MFN2: variants seen among roughly 807,000 people sequenced by gnomAD.
The protein encoded by MFN2 is mitofusin 2, also known as mitofusin-2.
MFN2 carries 43 observed loss-of-function variants against 87.5 expected under a neutral mutation model. The ratio of observed to expected loss-of-function variants is 0.49; its 90% CI spans 0.38 to 0.63. MFN2 has a LOEUF of 0.63. Ranked by LOEUF, MFN2 falls within the 30% of genes least tolerant of loss-of-function variation. MFN2 has a pLI of 0.00. For missense variants in MFN2, 743 were observed against 972.8 expected, an observed-to-expected ratio of 0.76 and a Z score of 3.14; for synonymous variants, 337 against 359.9, an observed-to-expected ratio of 0.94 and a Z score of 0.72.
At chr1:11,982,976 G>A (rs559994450) in intron 2 of MFN2, among the ~76,000 whole-genome samples, 2 of 152,292 alleles carry the variant, frequency 1.3e-5, no homozygotes, top group African/African-American at 4.8e-5. Context: ...TTACAACAAG[G>A]CTTCCTTCCC....
chr1:11,998,082 C>A (rs552260652), intron 6 of MFN2, among the ~76,000 whole-genome samples: 1 of 150,234 alleles, frequency 6.7e-6, no homozygotes, highest in South Asian at 2.2e-4. Context: ...CGGGGTTTCA[C>A]CATGTTGGCC....
chr1:11,993,179 C>A (rs1009078468), intron 4 of MFN2, among the ~76,000 whole-genome samples: 1 of 152,012 alleles, frequency 6.6e-6, no homozygotes, highest in African/African-American at 2.4e-5. Context: ...ATTCTACTTT[C>A]TGTCCCTATG....
In MFN2 at chr1:11,998,979, T is replaced by C. The variant is rs776259256; in HGVS notation, c.709-9T>C. 2.0e-5 allele frequency: 33 copies of C among 1,613,974 alleles called. No individual in the cohort carries two copies. In the East Asian group the frequency reaches 7.1e-4, roughly 35 times the overall value. On this transcript the variant is annotated splice_polypyrimidine_tract_variant and intron_variant, in intron 7 of 18. Coordinates refer to ENST00000235329, the MANE Select transcript of MFN2 (RefSeq NM_014874.4). The stretch of plus-strand genomic sequence containing the variant: ...CTCCTGCTCCACCGAGGTCTTACCC[T>C]TTATCTAGGAAAAGCACTTCTTCCA...
At chr1:11,981,116 G>C (rs1645976486) in intron 1 of MFN2, among the ~76,000 whole-genome samples, 2 of 152,234 alleles carry the variant, frequency 1.3e-5, no homozygotes, top group South Asian at 2.1e-4. Context: ...AAGGGCTCTG[G>C]TTATCTCTTT....
chr1:11,998,963 CACCGAGGTCTT>C lies in MFN2; in HGVS notation c.709-21_709-11del. The C allele has an allele frequency of 6.2e-7, 1 of 1,613,504 alleles. No individual in the cohort carries two copies. The highest frequency in any genetic ancestry group is 1.1e-5 in the South Asian group (1 of 91,070). On this transcript the variant is annotated splice_polypyrimidine_tract_variant and intron_variant, in intron 7 of 18. Coordinates refer to ENST00000235329, the MANE Select transcript of MFN2 (RefSeq NM_014874.4). ...GGCCTTGGCTGTCAAGCTCCTGCTC[CACCGAGGTCTT>C]ACCCTTTATCTAGGAAAAGCACTTC...
At position 11,997,430 on chromosome 1, in the gene MFN2, G is replaced by A. The variant is rs377142427; in HGVS notation, c.599+9G>A. 1 of 1,613,980 alleles carries A rather than the reference G, an allele frequency of 6.2e-7. No individual in the cohort carries two copies. The highest frequency in any genetic ancestry group is 8.5e-7 in the Non-Finnish European group (1 of 1,179,880). ...CTCGTTTTGATGGACAGGTAAGAGG[G>A]AGGTGCCCTCCTAGGAGGTCCAAAC... On this transcript the variant is annotated intron_variant, in intron 6 of 18. Coordinates refer to ENST00000235329, the MANE Select transcript of MFN2 (RefSeq NM_014874.4).
In MFN2 at chr1:12,003,172, G is replaced by A. The variant is rs769301645; in HGVS notation, c.1161-820G>A. 2.0e-5 allele frequency among the ~76,000 whole-genome samples: 3 copies of A among 151,700 alleles called. No homozygotes were observed. The highest frequency in any genetic ancestry group is 2.9e-5 in the Non-Finnish European group (2 of 67,880). ...CTTTTTAAGAGTCTTCCTGGGGTGA[G>A]TTCCTAGGGGTGTGGCAATTCTGTT... On this transcript the variant is annotated intron_variant, in intron 11 of 18. Transcript: ENST00000235329. The surrounding 1 kb of genome is among the most constrained non-coding windows in gnomAD (Gnocchi z 4.1).
intron 15 of MFN2, 70 bp from the exon 16 acceptor site, chr1:12,006,468 A>C: frequency 1.3e-6 from 2 of 1,595,828 alleles, no homozygotes; most frequent in Non-Finnish European, 1.7e-6. Context: ...AGACTAGGGC[A>C]ACACTGAGGG....
intron 2 of MFN2, among the ~76,000 whole-genome samples, chr1:11,987,507 G>A (rs1230900580): frequency 6.6e-6 from 1 of 151,576 alleles, no homozygotes; most frequent in Non-Finnish European, 1.5e-5. Context: ...GCGAGTGCCT[G>A]TAGTCCCAGT....
At position 11,999,113 on chromosome 1, in the gene MFN2, G is replaced by T; in HGVS notation, c.816+18G>T. The T allele has an allele frequency of 6.2e-7, 1 of 1,610,890 alleles. No individual in the cohort carries two copies. The highest frequency in any genetic ancestry group is 1.7e-5 in the Admixed American group (1 of 60,020). The stretch of plus-strand genomic sequence containing the variant: ...TGGAGGAGGTTCGTGCTTCTGTTTG[G>T]CAGTTTGGGGAATGCAACCCCGAGG... On this transcript the variant is annotated intron_variant, in intron 8 of 18. Coordinates refer to ENST00000235329, the MANE Select transcript of MFN2 (RefSeq NM_014874.4).
At chr1:11,989,470 C>T in intron 3 of MFN2, 127 bp downstream of exon 3, 1 of 1,092,808 alleles carries the variant, frequency 9.2e-7, no homozygotes, top group Non-Finnish European at 1.3e-6. Context: ...TAGAAATGCT[C>T]TGCTCTTGAA....
chr1:12,001,104 A>G (rs1639149960), intron 8 of MFN2, among the ~76,000 whole-genome samples: 1 of 152,052 alleles, frequency 6.6e-6, no homozygotes, highest in African/African-American at 2.4e-5. Flanking sequence ...CTCCGCCTCC[A>G]GGTTCAAGTG....
At chr1:12,002,937 ACTGT>A (rs1422849738) in intron 11 of MFN2, among the ~76,000 whole-genome samples, 6 of 152,216 alleles carry the variant, frequency 3.9e-5, no homozygotes, top group East Asian at 1.9e-4. Context: ...GTGGCATCAC[ACTGT>A]CTGTCACTGT....
In MFN2 at chr1:11,998,978, CT is replaced by C. The variant is rs1452498454; in HGVS notation, c.709-7del. 3 of 1,614,004 alleles carry C rather than the reference CT, an allele frequency of 1.9e-6. No individual in the cohort carries two copies. The highest frequency in any genetic ancestry group is 2.5e-6 in the Non-Finnish European group (3 of 1,179,972). On this transcript the variant is annotated splice_polypyrimidine_tract_variant and intron_variant, in intron 7 of 18. Coordinates refer to ENST00000235329, the MANE Select transcript of MFN2 (RefSeq NM_014874.4). ...GCTCCTGCTCCACCGAGGTCTTACC[CT>C]TTATCTAGGAAAAGCACTTCTTCCA... is the stretch of plus-strand genomic sequence containing the variant.
In MFN2 at chr1:12,011,731, C is replaced by T. The variant is rs1639708490; in HGVS notation, c.*166C>T. 1 of 702,686 alleles carries T rather than the reference C, an allele frequency of 1.4e-6. No individual in the cohort carries two copies. The highest frequency in any genetic ancestry group is 2.7e-5 in the East Asian group (1 of 36,946). 43.5% of individuals were successfully genotyped at this position (702,686 alleles called of 1,614,324 possible). ...GAGCCCTCCAGCACTACTTATTTTC[C>T]CCCACCTTTGCCTGCTGTTGCTGGA... On this transcript the variant is annotated 3_prime_UTR_variant, in exon 19 of 19. Coordinates refer to ENST00000235329, the MANE Select transcript of MFN2 (RefSeq NM_014874.4).
rs920130147 is a variant in MFN2 at position 12,003,833 on chromosome 1, T to C, written c.1161-159T>C. On this transcript the variant is annotated intron_variant, in intron 11 of 18. Transcript: ENST00000235329. The surrounding 1 kb of genome is among the most constrained non-coding windows in gnomAD (Gnocchi z 4.1). ...GTGCATGGTTGGCTGCAGGGTCCTC[T>C]TCTTACCTGGGAAGGGGAAGGCCAT... is the stretch of plus-strand genomic sequence containing the variant. Among the ~76,000 whole-genome samples, 1 of 152,254 alleles carries C rather than the reference T, an allele frequency of 6.6e-6. No individual in the cohort carries two copies.
At chr1:11,995,881 C>G (rs1252622177) in intron 4 of MFN2, among the ~76,000 whole-genome samples, 1 of 152,132 alleles carries the variant, frequency 6.6e-6, no homozygotes, top group Non-Finnish European at 1.5e-5. Context: ...ATAAGTGTTG[C>G]TGAGGGTGGC....
rs746264375 is a variant in MFN2, at chr1:12,001,836, G to A, written c.1038G>A (p.Glu346=). 6.2e-7 allele frequency: 1 copy of A among 1,614,138 alleles called. No individual in the cohort carries two copies. Among genetic ancestry groups the A allele is most frequent in the Non-Finnish European group, 8.5e-7 (1 of 1,179,990 alleles). ...TTCAGAATTTTGAGAGGAGATTTGA[G>A]GTGAGTCCTCTGATTCTGGTATCTG... The part of the protein sequence containing the change: ...FEFQNFERRF[E]ECISQSAVKT... The change falls in exon 10 of 19, where the codon GAG becomes GAA. Residue 346 remains glutamate (E), a splice_region_variant and synonymous_variant. Transcript: ENST00000235329.
intron 17 of MFN2, among the ~76,000 whole-genome samples, chr1:12,007,814 G>A (rs1639488970): frequency 6.6e-6 from 1 of 151,738 alleles, no homozygotes. Flanking sequence ...TTTTGGCAGG[G>A]TCATAGGACA....
Sources: gnomAD v4.1 joint callset for allele counts (sites outside exome capture counted in the v4.1 genomes callset) on GRCh38, gnomAD v4.1.1 for gene constraint, Gnocchi (gnomAD v3.1) non-coding constraint, MANE v1.5 for transcripts, NCBI Gene and HGNC (gene_info 2026-07-23, HGNC 2026-07-21) for gene names.